The following NAALADL2 variants were observed in gnomAD, a reference collection of about 807,000 sequenced individuals.
NAALADL2 encodes N-acetylated alpha-linked acidic dipeptidase like 2.
A neutral mutation model predicts 87.2 loss-of-function variants in NAALADL2; 76 were observed. The observed-to-expected ratio is 0.87, with a 90% CI of 0.72 to 1.05. NAALADL2 has a LOEUF of 1.05. Among genes scored for constraint, NAALADL2 ranks in the 50% least tolerant of loss-of-function variants. NAALADL2 has a pLI of 0.00. For synonymous variants in NAALADL2, 354 were observed against 331.0 expected (o/e 1.07, Z -0.75); for missense variants, 1,089 against 945.8 (o/e 1.15, Z -1.99).
At chr3:175,324,366 A>G in intron 5 of NAALADL2, 41 bp downstream of exon 5, 10 of 1,497,590 alleles carry the variant, frequency 6.7e-6, no homozygotes, top group Non-Finnish European at 8.1e-6. Context: ...GTAAGTAAGC[A>G]TTACAAGGTT....
rs188876063 is a variant in NAALADL2, at chr3:175,186,235, C to G, written c.546-47696C>G. Among the ~76,000 whole-genome samples the G allele has an allele frequency of 3.6e-4, 55 of 152,112 alleles. 1 individual carries two copies. In the East Asian group the frequency reaches 0.01, roughly 28 times the overall value. On this transcript the variant is annotated intron_variant, in intron 2 of 13. Transcript: ENST00000454872. ...GTGTCAGTCTTCATTATACAATAAT[C>G]TTACATATTACCCCTATAGATCCTG...
chr3:175,088,852 T>A (rs1013039436), intron 1 of NAALADL2, among the ~76,000 whole-genome samples: 1 of 152,206 alleles, frequency 6.6e-6, no homozygotes, highest in Non-Finnish European at 1.5e-5. Flanking sequence ...TGTTAACTCT[T>A]GACACACTTT....
intron 2 of NAALADL2, among the ~76,000 whole-genome samples, chr3:174,671,929 G>GTGATGATGATGATGATGATGA (rs57931413): frequency 6.7e-6 from 1 of 150,356 alleles, no homozygotes; most frequent in Admixed American, 6.7e-5. Flanking sequence ...GTTAACTACT[G>GTGATGATGATGATGATGATGA]TGATGATGAT....
At chr3:175,198,180 G>T (rs1418439932) in intron 2 of NAALADL2, among the ~76,000 whole-genome samples, 1 of 151,986 alleles carries the variant, frequency 6.6e-6, no homozygotes, top group African/African-American at 2.4e-5. Flanking sequence ...CTTTGAAGTT[G>T]TTCCCCAGTA....
At chr3:174,446,123 T>C (rs927231025) in intron 1 of NAALADL2, among the ~76,000 whole-genome samples, 1 of 152,182 alleles carries the variant, frequency 6.6e-6, no homozygotes, top group Non-Finnish European at 1.5e-5. Flanking sequence ...GAATTTTCCC[T>C]AACTGCTTGT....
chr3:175,276,038 T>A (rs146352606), intron 4 of NAALADL2, among the ~76,000 whole-genome samples: 3 of 151,178 alleles, frequency 2.0e-5, no homozygotes, highest in African/African-American at 7.3e-5. Flanking sequence ...TATAGCCACA[T>A]GAAAAAATGG....
chr3:175,665,745 A>G (rs1732873131), intron 11 of NAALADL2, among the ~76,000 whole-genome samples: 1 of 152,186 alleles, frequency 6.6e-6, no homozygotes, highest in South Asian at 2.1e-4. Context: ...ATCCTGGCCA[A>G]CATGGTGAAA....
chr3:174,890,801 T>G (rs1730776874), intron 1 of NAALADL2, among the ~76,000 whole-genome samples: 1 of 152,146 alleles, frequency 6.6e-6, no homozygotes, highest in Non-Finnish European at 1.5e-5. Context: ...CTGTGAACAA[T>G]AATTACTAAA....
intron 3 of NAALADL2, among the ~76,000 whole-genome samples, chr3:175,251,407 A>T (rs916668175): frequency 6.6e-6 from 1 of 152,216 alleles, no homozygotes; most frequent in African/African-American, 2.4e-5. Flanking sequence ...GCACGTCTCA[A>T]TTACTCTCTC....
chr3:175,300,767 A>T (rs1311832110), intron 4 of NAALADL2, among the ~76,000 whole-genome samples: 1 of 141,776 alleles, frequency 7.1e-6, no homozygotes, highest in African/African-American at 2.7e-5. Context: ...TTATTTATTT[A>T]TTTATTTATT....
At position 175,471,123 on chromosome 3, in the gene NAALADL2, C is replaced by G. The variant is rs560963866; in HGVS notation, c.1534-516C>G. Among the ~76,000 whole-genome samples, 3 of 152,134 alleles carry G rather than the reference C, an allele frequency of 2.0e-5. No homozygotes were observed. The East Asian group carries it at 5.8e-4, about 29-fold the overall frequency. ...TATTTTATTATATATCTAACTCTTA[C>G]CACTCTTGTTTAAAATCCTTTTATA... On this transcript the variant is annotated intron_variant, in intron 8 of 13. Transcript: ENST00000454872.
intron 5 of NAALADL2, among the ~76,000 whole-genome samples, chr3:175,335,160 T>A (rs1761852846): frequency 1.3e-5 from 2 of 152,226 alleles, no homozygotes; most frequent in African/African-American, 4.8e-5. Flanking sequence ...GCTAGAGCTG[T>A]GCTGTCCAAT....
At chr3:175,657,375 AT>A (rs1731614045) in intron 11 of NAALADL2, among the ~76,000 whole-genome samples, 1 of 152,166 alleles carries the variant, frequency 6.6e-6, no homozygotes, top group African/African-American at 2.4e-5. Flanking sequence ...GGGACATTAA[AT>A]GTAAAACAAC....
intron 2 of NAALADL2, among the ~76,000 whole-genome samples, chr3:175,132,643 C>A (rs1728291315): frequency 9.0e-6 from 1 of 111,030 alleles, no homozygotes. Context: ...GACGGGGTGG[C>A]TGGCCGGGCG....
intron 2 of NAALADL2, among the ~76,000 whole-genome samples, chr3:174,708,725 T>A (rs1730349420): frequency 6.6e-6 from 1 of 152,186 alleles, no homozygotes. Flanking sequence ...AATGACCTTT[T>A]CAGGTTTCCT....
intron 11 of NAALADL2, among the ~76,000 whole-genome samples, chr3:175,701,337 G>C (rs1738966664): frequency 6.6e-6 from 1 of 152,068 alleles, no homozygotes; most frequent in South Asian, 2.1e-4. Context: ...GTTTTCAGTT[G>C]ATTGCTTAAA....
chr3:175,669,404 T>G (rs2149838189), intron 11 of NAALADL2, among the ~76,000 whole-genome samples: 1 of 152,198 alleles, frequency 6.6e-6, no homozygotes, highest in South Asian at 2.1e-4. Context: ...TGGAATCACC[T>G]CCAGAGCTTT....
chr3:175,358,467 A>G (rs1191318060), intron 5 of NAALADL2, among the ~76,000 whole-genome samples: 1 of 152,082 alleles, frequency 6.6e-6, no homozygotes, highest in Admixed American at 6.6e-5. Context: ...AAGAAAGCTA[A>G]AGAATAATCT....
At chr3:175,499,484 G>A (rs1374841308) in intron 9 of NAALADL2, among the ~76,000 whole-genome samples, 1 of 148,390 alleles carries the variant, frequency 6.7e-6, no homozygotes, top group Admixed American at 6.6e-5. Context: ...TAAACCTAAG[G>A]AATTTTTTTT....
Sources: allele counts gnomAD v4.1 joint callset (sites outside exome capture counted in the v4.1 genomes callset), GRCh38; gene constraint gnomAD v4.1.1; transcripts MANE v1.5; gene names NCBI Gene and HGNC (gene_info 2026-07-23, HGNC 2026-07-21).